The following RBM47 variants were observed in gnomAD, a reference collection of about 807,000 sequenced individuals.
RBM47 encodes the protein RNA binding motif protein 47.
RBM47 carries 21 observed loss-of-function variants against 47.1 expected under a neutral mutation model. That is an observed-to-expected ratio of 0.45 (90% CI 0.32 to 0.64). RBM47 has a LOEUF of 0.64. RBM47 is among the 30% of genes least tolerant of loss of function. The probability of loss-of-function intolerance (pLI) is 0.05; values close to 1 mark genes in which losing one functional copy is unlikely to be tolerated. For missense variants in RBM47, 708 were observed against 870.9 expected, an observed-to-expected ratio of 0.81 and a Z score of 2.35; for synonymous variants, 375 against 361.7, an observed-to-expected ratio of 1.04 and a Z score of -0.42.
At chr4:40,429,164 G>C (rs143881536) in intron 6 of RBM47, among the ~76,000 whole-genome samples, 1 of 152,234 alleles carries the variant, frequency 6.6e-6, no homozygotes, top group African/African-American at 2.4e-5. Flanking sequence ...TGGGTTATCA[G>C]ATTGACCGTC....
At chr4:40,508,961 G>C (rs1328165322) in intron 2 of RBM47, among the ~76,000 whole-genome samples, 2 of 152,164 alleles carry the variant, frequency 1.3e-5, no homozygotes, top group Non-Finnish European at 2.9e-5. Flanking sequence ...AGGAGTTCGA[G>C]ACCAGCCTGG....
At chr4:40,579,846 C>A (rs1732713009) in intron 1 of RBM47, among the ~76,000 whole-genome samples, 1 of 152,024 alleles carries the variant, frequency 6.6e-6, no homozygotes, top group East Asian at 1.9e-4. Flanking sequence ...CTCCCTGGCT[C>A]AAGGGATCCT....
rs992399336 is a variant in RBM47, at chr4:40,458,848, C to T, written c.-32+7729G>A. On this transcript the variant is annotated intron_variant, in intron 3 of 6. Transcript: ENST00000295971. ...AAAAACAGGTCCTTCTGCAAACATA[C>T]GGCGAAGGTTAAACTCTAATACCCC... 4.6e-5 allele frequency among the ~76,000 whole-genome samples: 7 copies of T among 152,044 alleles called. No individual in the cohort carries two copies. In the South Asian group the frequency reaches 6.2e-4, roughly 14 times the overall value.
chr4:40,562,424 A>G (rs1730714211), intron 1 of RBM47, among the ~76,000 whole-genome samples: 1 of 150,386 alleles, frequency 6.6e-6, no homozygotes, highest in Non-Finnish European at 1.5e-5. Flanking sequence ...GGCGGGTGTC[A>G]TTACATTTTA....
chr4:40,493,731 C>A (rs1722205356), intron 2 of RBM47, among the ~76,000 whole-genome samples: 1 of 148,702 alleles, frequency 6.7e-6, no homozygotes, highest in African/African-American at 2.5e-5. Flanking sequence ...CAGTGGCTGG[C>A]ACTGCACTCC....
chr4:40,607,458 G>C (rs920693437), intron 1 of RBM47, among the ~76,000 whole-genome samples: 6 of 152,142 alleles, frequency 3.9e-5, no homozygotes, highest in Non-Finnish European at 7.4e-5. Context: ...TGTAATCCCA[G>C]CACTTTAAGA....
intron 1 of RBM47, among the ~76,000 whole-genome samples, chr4:40,554,405 C>CAA (rs59793972): frequency 0.083 from 7,523 of 90,924 alleles, 316 homozygotes; most frequent in African/African-American, 0.12. Flanking sequence ...AAGCAAACCT[C>CAA]AAAAAAAAAA....
chr4:40,612,850 G>T (rs565859563), intron 1 of RBM47, among the ~76,000 whole-genome samples: 1 of 152,118 alleles, frequency 6.6e-6, no homozygotes, highest in African/African-American at 2.4e-5. Context: ...ATTCACCTAT[G>T]ATCTTCATCC....
At chr4:40,566,417 T>G (rs867573788) in intron 1 of RBM47, among the ~76,000 whole-genome samples, 2 of 151,766 alleles carry the variant, frequency 1.3e-5, no homozygotes, top group Admixed American at 1.3e-4. Context: ...GAGGCTGAGG[T>G]GGGTGGATCA....
chr4:40,429,900 G>GA (rs1284845317), intron 6 of RBM47, among the ~76,000 whole-genome samples: 8 of 151,992 alleles, frequency 5.3e-5, no homozygotes, highest in African/African-American at 1.9e-4. Context: ...CTGCAAATAA[G>GA]AACCCTGATG....
At position 40,597,145 on chromosome 4, in the gene RBM47, G is replaced by A. The variant is rs368727843; in HGVS notation, c.-240+32251C>T. Among the ~76,000 whole-genome samples, 235 of 151,972 alleles carry A rather than the reference G, an allele frequency of 1.5e-3. 1 individual carries two copies. The highest frequency in any genetic ancestry group is 5.2e-3 in the African/African-American group (217 of 41,452). ...CGTGGTGGCACGCGCCTGTAGTCCC[G>A]GCTACTTGGGAGACTGAGGCAGGAG... On this transcript the variant is annotated intron_variant, in intron 1 of 6. Coordinates refer to ENST00000295971, the MANE Select transcript of RBM47 (RefSeq NM_001098634.2).
intron 6 of RBM47, among the ~76,000 whole-genome samples, chr4:40,431,545 C>A (rs1716030280): frequency 6.6e-6 from 1 of 151,990 alleles, no homozygotes; most frequent in South Asian, 2.1e-4. Context: ...GTAGTCCCAG[C>A]TACTCGGGAG....
chr4:40,625,349 G>A (rs1042784321), intron 1 of RBM47, among the ~76,000 whole-genome samples: 1 of 152,156 alleles, frequency 6.6e-6, no homozygotes, highest in Admixed American at 6.5e-5. Context: ...CTTGGGGCAC[G>A]TGAAATGCTT....
At chr4:40,466,029 G>A (rs1717958265) in intron 3 of RBM47, among the ~76,000 whole-genome samples, 3 of 152,144 alleles carry the variant, frequency 2.0e-5, no homozygotes, top group Admixed American at 2.0e-4. Flanking sequence ...GACTTTGGGA[G>A]GCTGAGGTGG....
intron 2 of RBM47, among the ~76,000 whole-genome samples, chr4:40,491,204 G>A (rs1283850564): frequency 1.3e-5 from 2 of 152,182 alleles, no homozygotes; most frequent in African/African-American, 4.8e-5. Context: ...TTCCGGACAA[G>A]GGTGCCAAGA....
chr4:40,571,864 C>CA (rs34276472), intron 1 of RBM47, among the ~76,000 whole-genome samples: 5,256 of 149,292 alleles, frequency 0.035, 322 homozygotes, highest in African/African-American at 0.12. Flanking sequence ...ACTAAAAATA[C>CA]AAAAAAAAAT....
rs149145042 is a variant in RBM47 at position 40,429,916 on chromosome 4, C to G, written c.1542+2735G>C. ...TGCAAATAAGAACCCTGATGGTGGC[C>G]GGGCGCGGTGGCTCACGCCTGTAAT... is the stretch of plus-strand genomic sequence containing the variant. On this transcript the variant is annotated intron_variant, in intron 6 of 6. Coordinates refer to ENST00000295971, the MANE Select transcript of RBM47 (RefSeq NM_001098634.2). 2.7e-3 allele frequency among the ~76,000 whole-genome samples: 413 copies of G among 151,952 alleles called. 1 individual carries two copies. The highest frequency in any genetic ancestry group is 9.6e-3 in the African/African-American group (398 of 41,458).
intron 2 of RBM47, among the ~76,000 whole-genome samples, chr4:40,532,000 CTT>C (rs914974086): frequency 6.8e-6 from 1 of 146,800 alleles, no homozygotes; most frequent in African/African-American, 2.5e-5. Context: ...CAATCTCTCT[CTT>C]TTTTTTTTAT....
chr4:40,562,045 T>C (rs1020835598), intron 1 of RBM47, among the ~76,000 whole-genome samples: 1 of 152,180 alleles, frequency 6.6e-6, no homozygotes, highest in Non-Finnish European at 1.5e-5. Flanking sequence ...AAGCTATTAT[T>C]AAATCAATTG....
Sources: allele counts gnomAD v4.1 joint callset (sites outside exome capture counted in the v4.1 genomes callset), GRCh38; gene constraint gnomAD v4.1.1; transcripts MANE v1.5; gene names NCBI Gene and HGNC (gene_info 2026-07-23, HGNC 2026-07-21).